The following MEGF8 variants were observed in gnomAD, a reference collection of about 807,000 sequenced individuals.
MEGF8 encodes multiple epidermal growth factor-like domains protein 8.
MEGF8 carries 156 observed loss-of-function variants against 302.9 expected under a neutral mutation model. The ratio of observed to expected loss-of-function variants is 0.52; its 90% CI spans 0.45 to 0.59. The LOEUF (loss-of-function observed/expected upper bound fraction) is 0.59, where lower values mean the gene tolerates loss of function less well. Ranked by LOEUF, MEGF8 falls within the 20% of genes least tolerant of loss-of-function variation. MEGF8 has a pLI of 0.00. For missense variants in MEGF8, 3,345 were observed against 3,964.5 expected (o/e 0.84, Z 4.20); for synonymous variants, 1,621 against 1,660.5 (o/e 0.98, Z 0.58).
At chr19:42,371,715 A>G (rs1211883466) in intron 41 of MEGF8, among the ~76,000 whole-genome samples, 1 of 152,064 alleles carries the variant, frequency 6.6e-6, no homozygotes, top group Non-Finnish European at 1.5e-5. Context: ...TGGTGGGGAG[A>G]CAGTCTCCAT....
Position 42,376,400 on chromosome 19 carries a change from A to T in MEGF8, c.8163A>T (p.Pro2721=). 6.2e-7 allele frequency: 1 copy of T among 1,611,378 alleles called. No homozygotes were observed. The highest frequency in any genetic ancestry group is 8.5e-7 in the Non-Finnish European group (1 of 1,179,402). The change falls in exon 42 of 42, where the codon CCA becomes CCT. Residue 2721 remains proline (P), a synonymous_variant. Transcript: ENST00000251268. This position sits in a 1 kb window ranked among gnomAD's most constrained non-coding sequence, Gnocchi z 8.2. Reference sequence around the variant, plus strand: ...CCGCCTGGAAGCCGGCTGGGCTCCCACCTCCCGCCTTCCGCCGCTCTGAGC... The same window carrying T: ...CCGCCTGGAAGCCGGCTGGGCTCCCTCCTCCCGCCTTCCGCCGCTCTGAGC... ...PASAWKPAGL[P]PPAFRRSEPF...
At position 42,337,092 on chromosome 19, in the gene MEGF8, G is replaced by T. The variant is rs1295527134; in HGVS notation, c.1399G>T (p.Val467Leu). 1 of 1,613,844 alleles carries T rather than the reference G, an allele frequency of 6.2e-7. No homozygotes were observed. Among genetic ancestry groups the T allele is most frequent in the African/African-American group, 1.3e-5 (1 of 74,918 alleles). Residue 467 changes from valine to leucine, a missense_variant, in exon 8 of 42, where the codon GTG becomes TTG. Coordinates refer to ENST00000251268, the MANE Select transcript of MEGF8 (RefSeq NM_001271938.2). ...GNYMVVYGGN[V>L]HTHYQEEKCY... ...CTTTCCTCCATTCCCAGGGGGCAATGTGCACACCCATTACCAGGAGGAAAA... is the reference window on the plus strand; with the variant it reads ...CTTTCCTCCATTCCCAGGGGGCAATTTGCACACCCATTACCAGGAGGAAAA...
At position 42,350,453 on chromosome 19, in the gene MEGF8, G is replaced by A. The variant is rs78937277; in HGVS notation, c.2736+69G>A. 4.2e-3 allele frequency: 5,754 copies of A among 1,371,572 alleles called. 171 individuals carry two copies. In the African/African-American group the frequency reaches 0.072, roughly 17 times the overall value. The allele number at this position is 1,371,572 out of a possible 1,614,324, so 85.0% of individuals were successfully genotyped here. On this transcript the variant is annotated intron_variant, in intron 15 of 41. Transcript: ENST00000251268. ...CACAGCAGGCAATGGGCAGTCAAGG[G>A]AACCCCTGGTGGGGGGTGTGGGGGA...
intron 1 of MEGF8, among the ~76,000 whole-genome samples, chr19:42,329,295 T>C (rs2039025145): frequency 6.6e-6 from 1 of 151,634 alleles, no homozygotes; most frequent in African/African-American, 2.4e-5. Context: ...TGCCCTCAGG[T>C]TGGGTGTGGG....
rs750662301 is a variant in MEGF8 at position 42,375,668 on chromosome 19, C to T, written c.7431C>T (p.Leu2477=). The change falls in exon 42 of 42, where the codon CTC becomes CTT. Residue 2477 remains leucine, a synonymous_variant. Transcript: ENST00000251268. The surrounding 1 kb of genome is among the most constrained non-coding windows in gnomAD (Gnocchi z 7.1). ...CGCTAGGCCCCGGCCGCACTGTCCTCTTTGGCGTGCAGCCCAAATTCACCA... is the reference window on the plus strand; with the variant it reads ...CGCTAGGCCCCGGCCGCACTGTCCTTTTTGGCGTGCAGCCCAAATTCACCA... ...RRALGPGRTV[L]FGVQPKFTNV... The T allele has an allele frequency of 6.2e-7, 1 of 1,610,686 alleles. No individual in the cohort carries two copies. Among genetic ancestry groups the T allele is most frequent in the Non-Finnish European group, 8.5e-7 (1 of 1,178,946 alleles).
At chr19:42,345,459 C>G (rs533211323) in intron 12 of MEGF8, among the ~76,000 whole-genome samples, 19 of 152,354 alleles carry the variant, frequency 1.2e-4, no homozygotes, top group African/African-American at 2.9e-4. Context: ...CTCTTCCCCC[C>G]GGTCCCTGGC....
Position 42,336,020 on chromosome 19 carries a change from C to T in MEGF8, c.918C>T (p.Asp306=), listed in dbSNP as rs373759775. 325 of 1,558,710 alleles carry T rather than the reference C, an allele frequency of 2.1e-4. 1 individual carries two copies. In the African/African-American group the frequency reaches 2.5e-3, roughly 12 times the overall value. ...GELADGSLTN[D]VWAFSPLGRG... ...TGGCTGACGGCTCGCTCACCAACGA[C>T]GTGTGGGCCTTCAGTCCACTGGGCA... Residue 306 remains aspartate, a synonymous_variant, in exon 6 of 42, where the codon GAC becomes GAT. Transcript: ENST00000251268. The surrounding 1 kb of genome is among the most constrained non-coding windows in gnomAD (Gnocchi z 4.8).
At chr19:42,339,371 C>T (rs1220323949) in intron 8 of MEGF8, among the ~76,000 whole-genome samples, 2 of 152,136 alleles carry the variant, frequency 1.3e-5, no homozygotes, top group South Asian at 2.1e-4. Context: ...CAACCTCACT[C>T]GCATGTGTTA....
rs368468093 is a variant in MEGF8 at position 42,354,621 on chromosome 19, C to T, written c.4045C>T (p.Arg1349Cys). Residue 1349 changes from arginine to cysteine, a missense_variant, in exon 23 of 42, where the codon CGC (arginine) becomes TGC (cysteine). Transcript: ENST00000251268. The surrounding 1 kb of genome is among the most constrained non-coding windows in gnomAD (Gnocchi z 4.3). Reference sequence around the variant, plus strand: ...CGTCCTGGCGTTTGATGGATTCCCACGCTTCCTGGACACTGGTGTTGTCCA... The same window carrying T: ...CGTCCTGGCGTTTGATGGATTCCCATGCTTCCTGGACACTGGTGTTGTCCA... ...SYVLAFDGFP[R>C]FLDTGVVQSD... 35 of 1,612,996 alleles carry T rather than the reference C, an allele frequency of 2.2e-5. No individual in the cohort carries two copies. Among genetic ancestry groups the T allele is most frequent in the Admixed American group, 3.3e-5 (2 of 59,980 alleles).
Position 42,368,364 on chromosome 19 carries a change from G to A in MEGF8, c.6274-91G>A, listed in dbSNP as rs2039636471. On this transcript the variant is annotated intron_variant, in intron 35 of 41. Coordinates refer to ENST00000251268, the MANE Select transcript of MEGF8 (RefSeq NM_001271938.2). This position sits in a 1 kb window ranked among gnomAD's most constrained non-coding sequence, Gnocchi z 4.9. ...GGAGGGGTGAGACCTCAAAGAGGGT[G>A]TGGTCTGGGAAGATACCCAGAATGT... 2.6e-6 allele frequency: 3 copies of A among 1,150,602 alleles called. No homozygotes were observed. In the South Asian group the frequency reaches 4.8e-5, roughly 18 times the overall value. The allele number at this position is 1,150,602 out of a possible 1,614,324, so 71.3% of individuals were successfully genotyped here.
chr19:42,369,759 G>A lies in MEGF8; in HGVS notation c.6834+36G>A, dbSNP rs1194992995. On this transcript the variant is annotated intron_variant, in intron 38 of 41. Transcript: ENST00000251268. The surrounding 1 kb of genome is among the most constrained non-coding windows in gnomAD (Gnocchi z 5.7). ...CGGAGCCTCAGACCCCCGACCCTGG[G>A]ACCCAGGCCCTCACTTGCCTTCATC... 1 of 1,558,258 alleles carries A rather than the reference G, an allele frequency of 6.4e-7. No homozygotes were observed.
rs972059706 is a variant in MEGF8, at chr19:42,349,577, C to T, written c.2377C>T (p.Pro793Ser). Residue 793 changes from proline to serine, a missense_variant, in exon 14 of 42, where the codon CCT becomes TCT. Physicochemically the swap from Pro to Ser is moderately conservative, Grantham distance 74. Coordinates refer to ENST00000251268, the MANE Select transcript of MEGF8 (RefSeq NM_001271938.2). ...GCGCCCTGGGTCTGCTCGCCTCTTC[C>T]CTCTGCCTGGGCGGGACCACAAGTA... ...LQRPGSARLFPLPGRDHKYAV... is the reference protein window; with the variant it reads ...LQRPGSARLFSLPGRDHKYAV... 1 of 1,611,894 alleles carries T rather than the reference C, an allele frequency of 6.2e-7. No homozygotes were observed. The highest frequency in any genetic ancestry group is 1.3e-5 in the African/African-American group (1 of 74,908).
rs750515390 is a variant in MEGF8, at chr19:42,361,022, A to G, written c.5720+16A>G. On this transcript the variant is annotated intron_variant, in intron 32 of 41. Transcript: ENST00000251268. ...AGGCCCACAGGTAACCATGGCGACC[A>G]TGACAGGCAGTGGGGAGTGGAGCCC... is the stretch of plus-strand genomic sequence containing the variant. The G allele has an allele frequency of 6.5e-7, 1 of 1,532,750 alleles. No homozygotes were observed. The highest frequency in any genetic ancestry group is 2.0e-5 in the Admixed American group (1 of 49,014). The allele number at this position is 1,532,750 out of a possible 1,614,324, so 94.9% of individuals were successfully genotyped here. A position where few individuals can be genotyped will look rare whatever the true frequency, so the allele number is the denominator to read the frequency against.
At chr19:42,363,837 G>C (rs935460290) in intron 35 of MEGF8, among the ~76,000 whole-genome samples, 4 of 152,164 alleles carry the variant, frequency 2.6e-5, no homozygotes, top group Non-Finnish European at 5.9e-5. Context: ...CGTAATCTCA[G>C]CTGTTCTCCA....
Position 42,352,673 on chromosome 19 carries a change from C to T in MEGF8, c.3350+217C>T, listed in dbSNP as rs1467659211. On this transcript the variant is annotated intron_variant, in intron 19 of 41. Coordinates refer to ENST00000251268, the MANE Select transcript of MEGF8 (RefSeq NM_001271938.2). The surrounding 1 kb of genome is among the most constrained non-coding windows in gnomAD (Gnocchi z 4.4). ...AAATGGGGCACCCATAGGCTGTGGG[C>T]CATAGTCTTCAGCGTTGCCATGGAG... The T allele has an allele frequency of 1.5e-6, 1 of 686,744 alleles. No individual in the cohort carries two copies. The highest frequency in any genetic ancestry group is 2.4e-6 in the Non-Finnish European group (1 of 416,456). The allele number at this position is 686,744 out of a possible 1,614,324, so 42.5% of individuals were successfully genotyped here.
intron 35 of MEGF8, among the ~76,000 whole-genome samples, chr19:42,364,307 C>G (rs530863592): frequency 4.6e-5 from 7 of 152,186 alleles, no homozygotes; most frequent in Non-Finnish European, 7.4e-5. Context: ...CCACTGCCCC[C>G]CCGTGGGAGA....
chr19:42,362,108 C>G lies in MEGF8; in HGVS notation c.5739C>G (p.Ser1913=). 6.2e-7 allele frequency: 1 copy of G among 1,612,344 alleles called. No individual in the cohort carries two copies. The highest frequency in any genetic ancestry group is 1.1e-5 in the South Asian group (1 of 90,722). ...DQAHRLGCGG[S]PCSPMPRSPE... is the part of the protein sequence containing the mutation. ...CCTTTAGGCTGGGCTGCGGGGGCTC[C>G]CCCTGCTCCCCAATGCCTCGCTCCC... The change falls in exon 33 of 42, where the codon TCC becomes TCG. Residue 1913 remains serine (S), a synonymous_variant. Coordinates refer to ENST00000251268, the MANE Select transcript of MEGF8 (RefSeq NM_001271938.2).
chr19:42,350,242 G>A lies in MEGF8; in HGVS notation c.2594G>A (p.Trp865Ter). The A allele has an allele frequency of 6.2e-7, 1 of 1,612,866 alleles. No homozygotes were observed. The highest frequency in any genetic ancestry group is 8.5e-7 in the Non-Finnish European group (1 of 1,179,874). ...TGCTTGGCAGACCAGGGCTGTGGCT[G>A]GTGCCTGACCAGTGCCACCTGCCAC... is the stretch of plus-strand genomic sequence containing the variant. The part of the protein sequence containing the change: ...LGCLADQGCG[W>*]CLTSATCHLR... Residue 865 changes from tryptophan (W) to a stop codon, truncating the protein, a stop_gained, in exon 15 of 42, where the codon TGG becomes TAG. Coordinates refer to ENST00000251268, the MANE Select transcript of MEGF8 (RefSeq NM_001271938.2). LOFTEE classifies it high-confidence loss of function.
intron 12 of MEGF8, among the ~76,000 whole-genome samples, chr19:42,345,745 G>A (rs1274024657): frequency 6.6e-6 from 1 of 152,148 alleles, no homozygotes; most frequent in African/African-American, 2.4e-5. Context: ...GAATAATGCT[G>A]GTATGAGCAC....
Sources: allele counts gnomAD v4.1 joint callset (sites outside exome capture counted in the v4.1 genomes callset), GRCh38; gene constraint gnomAD v4.1.1; non-coding constraint Gnocchi (gnomAD v3.1); transcripts MANE v1.5; gene names NCBI Gene and HGNC (gene_info 2026-07-23, HGNC 2026-07-21).